HECW2: variants seen among roughly 807,000 people sequenced by gnomAD.
HECW2 encodes the protein E3 ubiquitin-protein ligase HECW2.
Under a neutral mutation model 175.2 loss-of-function variants are expected in HECW2, and 61 were observed. That is an observed-to-expected ratio of 0.35 (90% CI 0.28 to 0.43). The LOEUF is 0.43. Among genes scored for constraint, HECW2 ranks in the 20% least tolerant of loss-of-function variants. The pLI is 1.00. For synonymous variants in HECW2, 671 were observed against 731.0 expected (o/e 0.92, Z 1.32); for missense variants, 1,524 against 2,000.5 (o/e 0.76, Z 4.54).
chr2:196,238,786 C>CA (rs1688347315), intron 21 of HECW2: 1 of 152,216 alleles, frequency 6.6e-6, no homozygotes, highest in Non-Finnish European at 1.5e-5. Flanking sequence ...ACAGAGGCAT[C>CA]AAGCCCCACT....
chr2:196,580,867 T>C (rs1690753390), intron 1 of HECW2, among the ~76,000 whole-genome samples: 1 of 152,212 alleles, frequency 6.6e-6, no homozygotes, highest in African/African-American at 2.4e-5. Context: ...GCAGCATTAT[T>C]CATAATAGCC....
chr2:196,447,266 C>T (rs780789730), intron 1 of HECW2, among the ~76,000 whole-genome samples: 1 of 152,056 alleles, frequency 6.6e-6, no homozygotes, highest in Non-Finnish European at 1.5e-5. Flanking sequence ...GGCCCAGCTC[C>T]ACTCTATTAA....
At chr2:196,464,340 G>T (rs1435615829) in intron 1 of HECW2, among the ~76,000 whole-genome samples, 2 of 152,158 alleles carry the variant, frequency 1.3e-5, no homozygotes, top group South Asian at 4.1e-4. Flanking sequence ...CAATAGTAAC[G>T]CTGGGAGTTA....
chr2:196,363,568 CGCCTATAATCCAAGCACTTTGGGA>C (rs1378667881), intron 2 of HECW2, among the ~76,000 whole-genome samples: 1 of 152,166 alleles, frequency 6.6e-6, no homozygotes, highest in Non-Finnish European at 1.5e-5. Flanking sequence ...CCATGGCTCA[CGCCTATAATCCAAGCACTTTGGGA>C]GGCCAAAGTA....
intron 1 of HECW2, among the ~76,000 whole-genome samples, chr2:196,563,948 T>A (rs1368454703): frequency 6.6e-6 from 1 of 152,210 alleles, no homozygotes; most frequent in African/African-American, 2.4e-5. Context: ...GAATAGGATA[T>A]TCACATGATC....
chr2:196,215,768 A>G, intron 28 of HECW2, 97 bp downstream of exon 28: 2 of 854,392 alleles, frequency 2.3e-6, no homozygotes, highest in Non-Finnish European at 3.6e-6. Context: ...CGCTCTCCCA[A>G]ACTTTTAATA....
chr2:196,587,113 C>T (rs745723916), intron 1 of HECW2, among the ~76,000 whole-genome samples: 1 of 152,118 alleles, frequency 6.6e-6, no homozygotes, highest in Non-Finnish European at 1.5e-5. Context: ...TTTAATGATG[C>T]TAATAGAATT....
intron 1 of HECW2, among the ~76,000 whole-genome samples, chr2:196,522,361 G>T (rs574443293): frequency 7.2e-5 from 11 of 152,222 alleles, no homozygotes; most frequent in Admixed American, 7.2e-4. Flanking sequence ...TGAGTTCATT[G>T]TAGATTCTGG....
Position 196,359,045 on chromosome 2 carries a change from T to C in HECW2, c.293-15281A>G, listed in dbSNP as rs575992966. Among the ~76,000 whole-genome samples the C allele has an allele frequency of 2.6e-5, 4 of 152,340 alleles. No individual in the cohort carries two copies. In the South Asian group the frequency reaches 6.2e-4, roughly 24 times the overall value. ...CACAATGAAACCAGGACCTTGAATATAGTGTTCAACTTGAGAATCTCTACC... is the reference window on the plus strand; with the variant it reads ...CACAATGAAACCAGGACCTTGAATACAGTGTTCAACTTGAGAATCTCTACC... On this transcript the variant is annotated intron_variant, in intron 2 of 28. Coordinates refer to ENST00000644978, the MANE Select transcript of HECW2 (RefSeq NM_001348768.2).
At chr2:196,462,173 T>C (rs1456238383) in intron 1 of HECW2, among the ~76,000 whole-genome samples, 1 of 152,164 alleles carries the variant, frequency 6.6e-6, no homozygotes, top group East Asian at 1.9e-4. Context: ...AAAGTTATAA[T>C]AATAAAACCT....
intron 2 of HECW2, among the ~76,000 whole-genome samples, chr2:196,372,603 G>A (rs1292675504): frequency 6.6e-6 from 1 of 152,158 alleles, no homozygotes; most frequent in African/African-American, 2.4e-5. Context: ...CAGTTGCCAA[G>A]ATCTCTGGCC....
chr2:196,526,268 A>T (rs1353372424), intron 1 of HECW2, among the ~76,000 whole-genome samples: 1 of 121,742 alleles, frequency 8.2e-6, no homozygotes, highest in African/African-American at 3.4e-5. Flanking sequence ...AGTTGATCGC[A>T]TCGGCTCCTG....
intron 2 of HECW2, among the ~76,000 whole-genome samples, chr2:196,364,964 A>G (rs1180451742): frequency 3.9e-5 from 6 of 152,332 alleles, no homozygotes; most frequent in Admixed American, 3.3e-4. Flanking sequence ...AAGGGATAGA[A>G]AGGGAAGCTT....
At chr2:196,276,378 T>C (rs909535432) in intron 15 of HECW2, among the ~76,000 whole-genome samples, 2 of 152,214 alleles carry the variant, frequency 1.3e-5, no homozygotes, top group African/African-American at 2.4e-5. Context: ...TCATAAAGGC[T>C]ACTACTACTA....
In HECW2 at chr2:196,198,711, A is replaced by G. The variant is rs2105745413; in HGVS notation, c.*2566T>C. On this transcript the variant is annotated 3_prime_UTR_variant, in exon 29 of 29. Coordinates refer to ENST00000644978, the MANE Select transcript of HECW2 (RefSeq NM_001348768.2). ...ATCTGGGTTCACAGTCCAGAAGAAA[A>G]TATTTATGGATATTTCTAATTGTAG... 1 of 152,364 alleles carries G rather than the reference A, an allele frequency of 6.6e-6. No homozygotes were observed. Among genetic ancestry groups the G allele is most frequent in the East Asian group, 1.9e-4 (1 of 5,192 alleles). The allele number at this position is 152,364 out of a possible 1,614,324, so 9.4% of individuals were successfully genotyped here. A position where few individuals can be genotyped will look rare whatever the true frequency, so the allele number is the denominator to read the frequency against.
chr2:196,261,185 A>G (rs1241414544), intron 17 of HECW2, among the ~76,000 whole-genome samples: 1 of 152,218 alleles, frequency 6.6e-6, no homozygotes, highest in Non-Finnish European at 1.5e-5. Flanking sequence ...TTACAGTATT[A>G]ACTTGCATCA....
chr2:196,471,942 C>T (rs886245755), intron 1 of HECW2, among the ~76,000 whole-genome samples: 1 of 150,182 alleles, frequency 6.7e-6, no homozygotes, highest in South Asian at 2.1e-4. Context: ...ATAAAACAAA[C>T]CTGCATGTGT....
At chr2:196,324,955 A>G (rs1019431401) in intron 6 of HECW2, 25 bp downstream of exon 6, 5 of 1,529,342 alleles carry the variant, frequency 3.3e-6, no homozygotes, top group African/African-American at 2.8e-5. Context: ...ACCATCAAGT[A>G]GGAGACCCCC....
At chr2:196,405,491 C>T (rs1270087335) in intron 2 of HECW2, among the ~76,000 whole-genome samples, 1 of 152,148 alleles carries the variant, frequency 6.6e-6, no homozygotes, top group African/African-American at 2.4e-5. Context: ...GCCACATCTA[C>T]CACTCATCTG....
Sources: allele counts gnomAD v4.1 joint callset (sites outside exome capture counted in the v4.1 genomes callset), GRCh38; gene constraint gnomAD v4.1.1; transcripts MANE v1.5; gene names NCBI Gene and HGNC (gene_info 2026-07-23, HGNC 2026-07-21).